The following JARID2 variants were observed in gnomAD, a reference collection of about 807,000 sequenced individuals.
JARID2 encodes the protein jumonji and AT-rich interaction domain containing 2, also known as protein Jumonji.
Under a neutral mutation model 125.6 loss-of-function variants are expected in JARID2, and 21 were observed. The ratio of observed to expected loss-of-function variants is 0.17; its 90% CI spans 0.12 to 0.24. JARID2 has a LOEUF of 0.24. Ranked by LOEUF, JARID2 falls within the 10% of genes least tolerant of loss-of-function variation. The probability of loss-of-function intolerance (pLI) is 1.00; values close to 1 mark genes in which losing one functional copy is unlikely to be tolerated. For synonymous variants in JARID2, 736 were observed against 661.6 expected (o/e 1.11, Z -1.73); for missense variants, 1,303 against 1,639.6 (o/e 0.79, Z 3.55).
intron 5 of JARID2, among the ~76,000 whole-genome samples, chr6:15,482,690 G>A (rs1468185808): frequency 6.6e-6 from 1 of 152,164 alleles, no homozygotes; most frequent in Non-Finnish European, 1.5e-5. Context: ...ATGTACATGG[G>A]AAACGGTCTT....
intron 3 of JARID2, among the ~76,000 whole-genome samples, chr6:15,427,942 TG>T (rs1475819730): frequency 6.6e-6 from 1 of 152,088 alleles, no homozygotes; most frequent in Non-Finnish European, 1.5e-5. Flanking sequence ...GACTGCCTAG[TG>T]CAATTGCAAG....
At chr6:15,293,596 G>A (rs1761304324) in intron 1 of JARID2, among the ~76,000 whole-genome samples, 1 of 152,186 alleles carries the variant, frequency 6.6e-6, no homozygotes, top group Non-Finnish European at 1.5e-5. Flanking sequence ...AGGGAGACAG[G>A]TATACAAACT....
chr6:15,270,347 G>A (rs368858835), intron 1 of JARID2, among the ~76,000 whole-genome samples: 1 of 152,118 alleles, frequency 6.6e-6, no homozygotes, highest in African/African-American at 2.4e-5. Flanking sequence ...GGTCAGGCTG[G>A]TCCCGAACTC....
At position 15,381,252 on chromosome 6, in the gene JARID2, GA is replaced by G. The variant is rs1437052221; in HGVS notation, c.181+7002del. On this transcript the variant is annotated intron_variant, in intron 2 of 17. Transcript: ENST00000341776. ...CGGGTGCCTGTAGGCTGAGGCAGGA[GA>G]ATGGCGTGAACCTGGGATGCGGAGC... Among the ~76,000 whole-genome samples, 3 of 148,722 alleles carry G rather than the reference GA, an allele frequency of 2.0e-5. No individual in the cohort carries two copies. In the Admixed American group the frequency reaches 2.0e-4, roughly 10 times the overall value.
At chr6:15,401,066 C>G in intron 2 of JARID2, 1 of 1,289,256 alleles carries the variant, frequency 7.8e-7, no homozygotes, top group Non-Finnish European at 1.0e-6. Context: ...AGATTTGTTT[C>G]AGGCTGGTAT....
chr6:15,505,198 TGA>T (rs1413268234), intron 9 of JARID2: 1 of 152,382 alleles, frequency 6.6e-6, no homozygotes, highest in East Asian at 1.9e-4. Flanking sequence ...TTCCAGCTGC[TGA>T]CGTCGGTGGG....
intron 5 of JARID2, 142 bp from the exon 6 acceptor site, chr6:15,487,165 T>G: frequency 1.5e-6 from 1 of 688,426 alleles, no homozygotes; most frequent in Non-Finnish European, 2.5e-6. Context: ...TCCAGTCACC[T>G]CCCACCAGTT....
At chr6:15,412,710 G>T (rs1016672822) in intron 3 of JARID2, among the ~76,000 whole-genome samples, 1 of 152,172 alleles carries the variant, frequency 6.6e-6, no homozygotes, top group African/African-American at 2.4e-5. Flanking sequence ...TTAGTGGGTT[G>T]GGTATGAACC....
At chr6:15,263,739 C>T (rs1759975602) in intron 1 of JARID2, among the ~76,000 whole-genome samples, 1 of 151,998 alleles carries the variant, frequency 6.6e-6, no homozygotes, top group Admixed American at 6.6e-5. Context: ...ATTACAGGCA[C>T]CCGCCACCAC....
At chr6:15,259,259 C>T (rs1194870607) in intron 1 of JARID2, among the ~76,000 whole-genome samples, 1 of 152,198 alleles carries the variant, frequency 6.6e-6, no homozygotes, top group Non-Finnish European at 1.5e-5. Flanking sequence ...ACCTAAATTG[C>T]CTCCTTTTCC....
intron 1 of JARID2, among the ~76,000 whole-genome samples, chr6:15,284,601 C>T (rs906588243): frequency 6.6e-6 from 1 of 151,642 alleles, no homozygotes; most frequent in African/African-American, 2.4e-5. Flanking sequence ...ATTCTCCTGC[C>T]TCAGCCTCCC....
At chr6:15,398,809 A>G (rs1765312481) in intron 2 of JARID2, among the ~76,000 whole-genome samples, 2 of 152,184 alleles carry the variant, frequency 1.3e-5, no homozygotes, top group Admixed American at 6.6e-5. Flanking sequence ...TGAGTGTTTG[A>G]GTGACAGAAC....
intron 1 of JARID2, among the ~76,000 whole-genome samples, chr6:15,293,494 G>T (rs904221868): frequency 2.6e-5 from 4 of 152,210 alleles, no homozygotes; most frequent in Non-Finnish European, 5.9e-5. Context: ...AACGGATGTT[G>T]TAAATGTTTG....
intron 6 of JARID2, among the ~76,000 whole-genome samples, chr6:15,491,481 A>G (rs1002005262): frequency 2.0e-5 from 3 of 152,212 alleles, no homozygotes; most frequent in African/African-American, 4.8e-5. Flanking sequence ...TAAAGTGCAA[A>G]TGGACTACCC....
intron 1 of JARID2, among the ~76,000 whole-genome samples, chr6:15,294,764 G>A (rs985904002): frequency 6.6e-6 from 1 of 152,096 alleles, no homozygotes; most frequent in African/African-American, 2.4e-5. Context: ...GGGGTGGCGC[G>A]TATCCCTGAT....
At chr6:15,358,785 C>T (rs539367269) in intron 1 of JARID2, among the ~76,000 whole-genome samples, 45 of 152,098 alleles carry the variant, frequency 3.0e-4, no homozygotes, top group Non-Finnish European at 5.0e-4. Context: ...AAGCTTTTAA[C>T]GCGTACCAGT....
intron 8 of JARID2, among the ~76,000 whole-genome samples, chr6:15,504,210 C>T (rs1234520160): frequency 6.6e-5 from 10 of 150,856 alleles, no homozygotes; most frequent in South Asian, 2.1e-4. Flanking sequence ...GGGCCTTCCG[C>T]GCTTCTGCTG....
At chr6:15,303,681 C>G (rs1198620012) in intron 1 of JARID2, among the ~76,000 whole-genome samples, 1 of 152,194 alleles carries the variant, frequency 6.6e-6, no homozygotes, top group Non-Finnish European at 1.5e-5. Flanking sequence ...TTTGGGAATG[C>G]TTTGAATACT....
chr6:15,286,434 T>C (rs1761003590), intron 1 of JARID2, among the ~76,000 whole-genome samples: 1 of 151,722 alleles, frequency 6.6e-6, no homozygotes, highest in Non-Finnish European at 1.5e-5. Context: ...GTATTTTTAC[T>C]AGAGACGGGG....
Sources: gnomAD v4.1 joint callset for allele counts (sites outside exome capture counted in the v4.1 genomes callset) on GRCh38, gnomAD v4.1.1 for gene constraint, MANE v1.5 for transcripts, NCBI Gene and HGNC (gene_info 2026-07-23, HGNC 2026-07-21) for gene names.